VGLL4: variants seen among roughly 807,000 people sequenced by gnomAD.
VGLL4 encodes transcription cofactor vestigial-like protein 4.
A neutral mutation model predicts 21.0 loss-of-function variants in VGLL4; 7 were observed. The observed-to-expected ratio is 0.33, with a 90% CI of 0.19 to 0.63. The LOEUF is 0.63. Among genes scored for constraint, VGLL4 ranks in the 20% least tolerant of loss-of-function variants. The pLI is 0.78. For missense variants in VGLL4, 394 were observed against 425.7 expected, an observed-to-expected ratio of 0.93 and a Z score of 0.66; for synonymous variants, 222 against 173.2, an observed-to-expected ratio of 1.28 and a Z score of -2.21.
chr3:11,639,105 A>C (rs755866819), intron 1 of VGLL4, among the ~76,000 whole-genome samples: 10 of 152,186 alleles, frequency 6.6e-5, no homozygotes, highest in Non-Finnish European at 2.9e-5. Context: ...CAAATTACAC[A>C]CTAATGGCTC....
At chr3:11,646,011 A>G (rs1219869201), upstream of VGLL4, among the ~76,000 whole-genome samples, 3 of 152,180 alleles carry the variant, frequency 2.0e-5, no homozygotes, top group African/African-American at 7.2e-5. Context: ...TGACATCTAA[A>G]TACTAAATAC....
At chr3:11,717,195 G>A (rs1038882463) in intron 1 of VGLL4, among the ~76,000 whole-genome samples, 3 of 147,818 alleles carry the variant, frequency 2.0e-5, no homozygotes, top group Non-Finnish European at 4.5e-5. Flanking sequence ...TTTTTGAGAC[G>A]GAGTTTCACA....
upstream of VGLL4, among the ~76,000 whole-genome samples, chr3:11,647,892 A>G (rs1473857456): frequency 6.6e-6 from 1 of 152,124 alleles, no homozygotes; most frequent in Non-Finnish European, 1.5e-5. Flanking sequence ...CGATGTCATT[A>G]GGTGGCTGTC....
At chr3:11,576,908 G>C (rs775044355) in intron 2 of VGLL4, among the ~76,000 whole-genome samples, 2 of 152,236 alleles carry the variant, frequency 1.3e-5, no homozygotes, top group Non-Finnish European at 2.9e-5. Context: ...AGGGAAACGG[G>C]AACAGTGTCT....
At chr3:11,659,585 C>T (rs1268209225) in intron 2 of VGLL4, among the ~76,000 whole-genome samples, 1 of 151,870 alleles carries the variant, frequency 6.6e-6, no homozygotes, top group Non-Finnish European at 1.5e-5. Flanking sequence ...CCCCCCGGCT[C>T]GGCCTCCCAA....
intron 1 of VGLL4, among the ~76,000 whole-genome samples, chr3:11,714,570 A>C (rs976002617): frequency 7.2e-5 from 9 of 125,048 alleles, no homozygotes; most frequent in African/African-American, 1.3e-4. Context: ...ATAAAAATAC[A>C]AAAAAAAAAA....
At chr3:11,637,020 A>G (rs2075601904) in intron 1 of VGLL4, among the ~76,000 whole-genome samples, 1 of 151,946 alleles carries the variant, frequency 6.6e-6, no homozygotes, top group Non-Finnish European at 1.5e-5. Flanking sequence ...CAAAAAAGAT[A>G]CAAAAGAAGG....
intron 1 of VGLL4, among the ~76,000 whole-genome samples, chr3:11,720,043 C>T (rs1274089280): frequency 6.6e-6 from 1 of 152,176 alleles, no homozygotes; most frequent in African/African-American, 2.4e-5. Flanking sequence ...GTGCCCGCCG[C>T]GCTCCCCACG....
chr3:11,585,414 C>T (rs1340283348), intron 2 of VGLL4, among the ~76,000 whole-genome samples: 1 of 146,304 alleles, frequency 6.8e-6, no homozygotes, highest in Non-Finnish European at 1.5e-5. Context: ...GCCTGGGTGG[C>T]AGATTGAGAT....
At chr3:11,692,117 G>A (rs2076535693) in intron 2 of VGLL4, among the ~76,000 whole-genome samples, 1 of 151,988 alleles carries the variant, frequency 6.6e-6, no homozygotes, top group African/African-American at 2.4e-5. Flanking sequence ...TCTAAGGATT[G>A]TGAAACATTT....
At chr3:11,714,471 G>A (rs1405086366) in intron 1 of VGLL4, among the ~76,000 whole-genome samples, 6 of 151,498 alleles carry the variant, frequency 4.0e-5, no homozygotes, top group East Asian at 1.9e-4. Flanking sequence ...CAGGTGGATC[G>A]CTTGAGGCCA....
chr3:11,629,511 C>T (rs935260741), intron 1 of VGLL4, among the ~76,000 whole-genome samples: 1 of 152,052 alleles, frequency 6.6e-6, no homozygotes, highest in East Asian at 1.9e-4. Flanking sequence ...AATCCCAGCA[C>T]TTTGGGAGGC....
chr3:11,691,069 T>C (rs780232248), intron 2 of VGLL4, among the ~76,000 whole-genome samples: 18 of 151,872 alleles, frequency 1.2e-4, no homozygotes, highest in Non-Finnish European at 5.9e-5. Context: ...GAAGATGGTG[T>C]CATGTTACAT....
At chr3:11,590,527 T>C (rs893700069) in intron 2 of VGLL4, among the ~76,000 whole-genome samples, 1 of 152,206 alleles carries the variant, frequency 6.6e-6, no homozygotes, top group Non-Finnish European at 1.5e-5. Context: ...CTGCTGGGGC[T>C]GGAAGGCTCG....
At chr3:11,711,537 A>G (rs1311903691) in intron 1 of VGLL4, among the ~76,000 whole-genome samples, 1 of 150,262 alleles carries the variant, frequency 6.7e-6, no homozygotes, top group African/African-American at 2.5e-5. Flanking sequence ...ACTGCACCCT[A>G]GCCTGGGCTC....
At chr3:11,667,228 G>A (rs1338354011) in intron 2 of VGLL4, among the ~76,000 whole-genome samples, 5 of 152,212 alleles carry the variant, frequency 3.3e-5, no homozygotes, top group African/African-American at 1.2e-4. Context: ...CCATCTCTTT[G>A]GCTAAAGCCA....
At chr3:11,585,548 T>C (rs2074342740) in intron 2 of VGLL4, among the ~76,000 whole-genome samples, 1 of 152,104 alleles carries the variant, frequency 6.6e-6, no homozygotes, top group Admixed American at 6.6e-5. Flanking sequence ...TATGGTCTTG[T>C]TTCAGATTTG....
chr3:11,605,447 T>C (rs887989773), intron 1 of VGLL4, among the ~76,000 whole-genome samples: 1 of 151,794 alleles, frequency 6.6e-6, no homozygotes, highest in Non-Finnish European at 1.5e-5. Flanking sequence ...ATTCCTAGTA[T>C]TCCTCTTTAT....
chr3:11,671,544 G>C (rs2076217173), intron 2 of VGLL4: 1 of 590,008 alleles, frequency 1.7e-6, no homozygotes, highest in African/African-American at 1.9e-5. Context: ...TGTATGAAAA[G>C]TCAAGGGTTC....
Sources: allele counts gnomAD v4.1 joint callset (sites outside exome capture counted in the v4.1 genomes callset), GRCh38; gene constraint gnomAD v4.1.1; transcripts MANE v1.5; gene names NCBI Gene and HGNC (gene_info 2026-07-23, HGNC 2026-07-21).